Variants in CHRNA7 observed in about 807,000 individuals in gnomAD.
The protein encoded by CHRNA7 is cholinergic receptor nicotinic alpha 7 subunit, also known as neuronal acetylcholine receptor subunit alpha-7.
CHRNA7 carries 17 observed loss-of-function variants against 48.0 expected under a neutral mutation model. The observed-to-expected ratio is 0.35, with a 90% CI of 0.24 to 0.53. The LOEUF (loss-of-function observed/expected upper bound fraction) is 0.53. CHRNA7 is among the 20% of genes least tolerant of loss of function. CHRNA7 has a pLI of 0.92. For missense variants in CHRNA7, 155 were observed against 577.7 expected (o/e 0.27, Z 7.50); for synonymous variants, 75 against 242.3 (o/e 0.31, Z 6.41).
At chr15:32,156,422 T>G (rs1184197442) in intron 5 of CHRNA7, 1 of 53,018 alleles carries the variant, frequency 1.9e-5, no homozygotes, top group Non-Finnish European at 4.0e-5. Flanking sequence ...GGGGTCCTTG[T>G]GTGCAAGGCT....
intron 4 of CHRNA7, among the ~76,000 whole-genome samples, chr15:32,144,472 G>T (rs899035891): frequency 5.9e-5 from 9 of 152,302 alleles, no homozygotes; most frequent in African/African-American, 2.2e-4. Context: ...GCCTTGCTAG[G>T]TTGGGGAAGT....
chr15:32,151,703 T>C (rs2051633505), intron 4 of CHRNA7, among the ~76,000 whole-genome samples: 1 of 152,242 alleles, frequency 6.6e-6, no homozygotes. Flanking sequence ...CATTTTTCTC[T>C]CTTTTTTCTA....
At chr15:32,049,875 G>T (rs1307702169) in intron 2 of CHRNA7, among the ~76,000 whole-genome samples, 1 of 152,082 alleles carries the variant, frequency 6.6e-6, no homozygotes, top group East Asian at 1.9e-4. Flanking sequence ...TTGCTTGTCT[G>T]TAAAGTATTT....
rs1326398455 is a variant in CHRNA7, at chr15:32,137,036, AAAAAAAAAAAG to A, written c.351-16855_351-16845del. On this transcript the variant is annotated intron_variant, in intron 4 of 9. Coordinates refer to ENST00000306901, the MANE Select transcript of CHRNA7 (RefSeq NM_000746.6). ...GACAGAGCGAGACTCCGTCTCAAAAAAAAAAAAAAAGAAAAAAAAAAGAAAACAGGAGAAAC... is the reference window on the plus strand; with the variant it reads ...GACAGAGCGAGACTCCGTCTCAAAAAAAAAAAAAAAGAAAACAGGAGAAAC... Among the ~76,000 whole-genome samples, 52 of 147,686 alleles carry A rather than the reference AAAAAAAAAAAG, an allele frequency of 3.5e-4. 1 individual carries two copies. Among genetic ancestry groups the A allele is most frequent in the African/African-American group, 1.1e-3 (45 of 39,816 alleles).
At chr15:32,052,710 A>G (rs935725809) in intron 2 of CHRNA7, among the ~76,000 whole-genome samples, 8 of 152,208 alleles carry the variant, frequency 5.3e-5, no homozygotes, top group African/African-American at 1.9e-4. Flanking sequence ...GCCTGGTGAC[A>G]GAGCGAGACT....
chr15:32,114,356 C>T (rs1566849398), intron 4 of CHRNA7, among the ~76,000 whole-genome samples: 1 of 152,026 alleles, frequency 6.6e-6, no homozygotes. Context: ...CAGTCTCTAC[C>T]TGACAAATGT....
chr15:32,101,490 C>T, intron 3 of CHRNA7, 143 bp downstream of exon 3: 2 of 789,810 alleles, frequency 2.5e-6, no homozygotes, highest in Non-Finnish European at 4.1e-6. Context: ...GGCTGTCACA[C>T]CAACTCCACA....
chr15:32,136,875 CA>C (rs1222111629), intron 4 of CHRNA7, among the ~76,000 whole-genome samples: 1,347 of 119,176 alleles, frequency 0.011, 30 homozygotes, highest in African/African-American at 0.044. Context: ...ACTAAAAATA[CA>C]AAAAAATTAG....
At chr15:32,109,751 C>T (rs557898456) in intron 3 of CHRNA7, among the ~76,000 whole-genome samples, 4 of 152,188 alleles carry the variant, frequency 2.6e-5, no homozygotes, top group East Asian at 1.9e-4. Flanking sequence ...CTGACCCCCC[C>T]GAACTATGGT....
intron 2 of CHRNA7, among the ~76,000 whole-genome samples, chr15:32,055,164 T>A (rs74860304): frequency 0.013 from 1,954 of 152,358 alleles, 37 homozygotes; most frequent in African/African-American, 0.044. Flanking sequence ...TTCATTTTTT[T>A]ATTTTCCATT....
chr15:32,071,689 G>T (rs1488398526), intron 2 of CHRNA7, among the ~76,000 whole-genome samples: 1 of 152,020 alleles, frequency 6.6e-6, no homozygotes, highest in Admixed American at 6.6e-5. Flanking sequence ...TCTCTCTCTT[G>T]CTCCCTCTTT....
At chr15:32,101,265 A>G (rs1231349416) in intron 2 of CHRNA7, 38 bp from the exon 3 acceptor site, 4 of 1,571,768 alleles carry the variant, frequency 2.5e-6, no homozygotes, top group South Asian at 1.2e-5. Context: ...TTTGTAAACC[A>G]TATTATTTAT....
At chr15:32,048,014 A>T (rs2049587110) in intron 2 of CHRNA7, among the ~76,000 whole-genome samples, 1 of 152,156 alleles carries the variant, frequency 6.6e-6, no homozygotes, top group African/African-American at 2.4e-5. Context: ...CATCCCAGGG[A>T]TGAAGCCCAC....
rs868255768 is a variant in CHRNA7, at chr15:32,049,151, G to T, written c.195+18114G>T. ...ATTTGGGGTGGAGAGTTCTGTAGATGTCTATTAGGTCTGCTTGGTGCAGAG... is the reference window on the plus strand; with the variant it reads ...ATTTGGGGTGGAGAGTTCTGTAGATTTCTATTAGGTCTGCTTGGTGCAGAG... On this transcript the variant is annotated intron_variant, in intron 2 of 9. Transcript: ENST00000306901. Among the ~76,000 whole-genome samples, 19 of 152,032 alleles carry T rather than the reference G, an allele frequency of 1.2e-4. No homozygotes were observed. The South Asian group carries it at 4.0e-3, about 32-fold the overall frequency.
intron 4 of CHRNA7, among the ~76,000 whole-genome samples, chr15:32,142,672 T>C (rs1353202905): frequency 1.3e-5 from 2 of 152,228 alleles, no homozygotes; most frequent in Non-Finnish European, 2.9e-5. Context: ...CAGGAATTTA[T>C]CCATTTCTTC....
At chr15:32,127,868 G>A (rs1192167374) in intron 4 of CHRNA7, among the ~76,000 whole-genome samples, 1 of 152,030 alleles carries the variant, frequency 6.6e-6, no homozygotes, top group African/African-American at 2.4e-5. Flanking sequence ...TGTTTTTGAT[G>A]TCAAGTCTTG....
At chr15:32,101,242 T>C in intron 2 of CHRNA7, 61 bp from the exon 3 acceptor site, 1 of 1,547,730 alleles carries the variant, frequency 6.5e-7, no homozygotes, top group South Asian at 1.2e-5. Flanking sequence ...TGAATAATTG[T>C]CTCATTCTTT....
chr15:32,103,659 C>T (rs867851405), intron 3 of CHRNA7, among the ~76,000 whole-genome samples: 6 of 152,258 alleles, frequency 3.9e-5, no homozygotes, highest in Middle Eastern at 3.4e-3. Flanking sequence ...AGGCCCAGGC[C>T]TTCTTCCCAT....
At chr15:32,100,209 A>G (rs1358194813) in intron 2 of CHRNA7, 1 of 151,606 alleles carries the variant, frequency 6.6e-6, no homozygotes, top group Non-Finnish European at 1.5e-5. Context: ...TTTTTTTGAA[A>G]CTTCCCATCG....
Sources: gnomAD v4.1 joint callset for allele counts (sites outside exome capture counted in the v4.1 genomes callset) on GRCh38, gnomAD v4.1.1 for gene constraint, MANE v1.5 for transcripts, NCBI Gene and HGNC (gene_info 2026-07-23, HGNC 2026-07-21) for gene names.